The following BLACAT1 variants were observed in gnomAD, a reference collection of about 807,000 sequenced individuals.
BLACAT1 encodes bladder cancer associated transcript 1.
chr1:205,455,773 C>A (rs1666555676), intron 1 of BLACAT1, 144 bp downstream of exon 1: 2 of 152,228 alleles, frequency 1.3e-5, no homozygotes, highest in South Asian at 4.1e-4. Context: ...CCGCATCCCG[C>A]CCATGCCTTA....
At chr1:205,440,550 C>G (rs184471923) in exon 2 of BLACAT1, 3 of 152,282 alleles carry the variant, frequency 2.0e-5, no homozygotes, top group Non-Finnish European at 4.4e-5. Flanking sequence ...TAGCCCAAGG[C>G]GGCACATGCC....
intron 1 of BLACAT1, among the ~76,000 whole-genome samples, chr1:205,443,917 T>G (rs1666339272): frequency 6.6e-6 from 1 of 152,116 alleles, no homozygotes; most frequent in Non-Finnish European, 1.5e-5. Context: ...CAGGCTGTGG[T>G]CTCTGCTCCT....
intron 1 of BLACAT1, among the ~76,000 whole-genome samples, chr1:205,451,563 C>T (rs534251807): frequency 8.0e-5 from 12 of 149,858 alleles, no homozygotes; most frequent in African/African-American, 1.7e-4. Flanking sequence ...GGGGAGTGGT[C>T]GGGGGGGTAA....
intron 1 of BLACAT1, among the ~76,000 whole-genome samples, chr1:205,446,901 C>T (rs1453976915): frequency 6.6e-6 from 1 of 152,230 alleles, no homozygotes; most frequent in Non-Finnish European, 1.5e-5. Flanking sequence ...CTTGGGATTT[C>T]TCTTTGCTTC....
intron 1 of BLACAT1, among the ~76,000 whole-genome samples, chr1:205,447,256 T>C (rs1295584572): frequency 6.6e-6 from 1 of 152,188 alleles, no homozygotes; most frequent in Non-Finnish European, 1.5e-5. Context: ...ATAAGTTAAA[T>C]AGGCTAACAG....
rs1666411424 is a variant in BLACAT1, at chr1:205,447,423, G to C, written c.-36-6361C>G. 2.0e-5 allele frequency among the ~76,000 whole-genome samples: 3 copies of C among 152,290 alleles called. No individual in the cohort carries two copies. In the South Asian group the frequency reaches 6.2e-4, roughly 32 times the overall value. ...CTTCTGATTGTCAATACCAAATCTA[G>C]TGCTTTCTGTGATTCTTCAGTGGTC... is the stretch of plus-strand genomic sequence containing the variant. On this transcript the variant is annotated intron_variant, in intron 1 of 1. Coordinates refer to ENST00000629624, the Ensembl canonical transcript of BLACAT1.
At chr1:205,435,099 C>T (rs1666183406), downstream of BLACAT1, 1 of 152,198 alleles carries the variant, frequency 6.6e-6, no homozygotes, top group Non-Finnish European at 1.5e-5. Context: ...GGAAGAACCT[C>T]AGTGCAGGAG....
intron 1 of BLACAT1, among the ~76,000 whole-genome samples, chr1:205,451,512 G>A (rs551399678): frequency 2.0e-5 from 3 of 152,286 alleles, no homozygotes; most frequent in Admixed American, 2.0e-4. Flanking sequence ...TGCCCTTGCT[G>A]TCAGCACAGC....
chr1:205,442,236 C>T (rs564368134), intron 1 of BLACAT1, among the ~76,000 whole-genome samples: 16 of 152,162 alleles, frequency 1.1e-4, no homozygotes, highest in Non-Finnish European at 2.2e-4. Flanking sequence ...CCAAGTGCTG[C>T]GGGGAAGGAG....
intron 1 of BLACAT1, among the ~76,000 whole-genome samples, chr1:205,447,760 C>CA (rs1666425794): frequency 7.3e-5 from 6 of 82,018 alleles, no homozygotes; most frequent in Admixed American, 2.6e-4. Flanking sequence ...CCCGGGGGAG[C>CA]GCCTGCCTTC....
chr1:205,448,316 A>G lies in BLACAT1; in HGVS notation c.-36-7254T>C, dbSNP rs763951501. 1 of 531,538 alleles carries G rather than the reference A, an allele frequency of 1.9e-6. No individual in the cohort carries two copies. Among genetic ancestry groups the G allele is most frequent in the Admixed American group, 1.9e-5 (1 of 51,518 alleles). 32.9% of individuals were successfully genotyped at this position (531,538 alleles called of 1,614,324 possible). A position where few individuals can be genotyped will look rare whatever the true frequency, so the allele number is the denominator to read the frequency against. ...GCGCAGGAGAAGGAGCTCGCCCCTC[A>G]CTGTAGCCCATGGCTTTTAGCCCTA... On this transcript the variant is annotated intron_variant, in intron 1 of 1. Coordinates refer to ENST00000629624, the Ensembl canonical transcript of BLACAT1. This position sits in a 1 kb window ranked among gnomAD's most constrained non-coding sequence, Gnocchi z 4.7.
At chr1:205,436,910 T>C (rs529432226), downstream of BLACAT1, 2 of 152,294 alleles carry the variant, frequency 1.3e-5, no homozygotes, top group Non-Finnish European at 2.9e-5. Flanking sequence ...CCCTTTATAA[T>C]GCGTGCCTTC....
At chr1:205,454,584 C>G (rs1299571198) in intron 1 of BLACAT1, among the ~76,000 whole-genome samples, 3 of 151,908 alleles carry the variant, frequency 2.0e-5, no homozygotes, top group African/African-American at 7.3e-5. Flanking sequence ...TTTCCTGCCT[C>G]TGTGGCAGCC....
In BLACAT1 at chr1:205,442,113, G is replaced by A. The variant is rs149843208; in HGVS notation, c.-36-1051C>T. The stretch of plus-strand genomic sequence containing the variant: ...AGAAGTGCACTCAAGCCACTCAAGC[G>A]GAGAAGCTGAGAACAAAGGAAGGAA... On this transcript the variant is annotated intron_variant, in intron 1 of 1. Transcript: ENST00000629624. 4.5e-3 allele frequency among the ~76,000 whole-genome samples: 680 copies of A among 152,294 alleles called. 5 individuals are homozygous for A. Among genetic ancestry groups the A allele is most frequent in the Middle Eastern group, 0.017 (5 of 294 alleles).
At chr1:205,439,019 G>A (rs1259432248), downstream of BLACAT1, among the ~76,000 whole-genome samples, 33 of 152,184 alleles carry the variant, frequency 2.2e-4, no homozygotes, top group Admixed American at 2.2e-3. Flanking sequence ...CTGAGTCTCC[G>A]GGGATACAAT....
In BLACAT1 at chr1:205,446,312, G is replaced by A. The variant is rs568027454; in HGVS notation, c.-36-5250C>T. The stretch of plus-strand genomic sequence containing the variant: ...GCCCAGCCCCAGCAAAGCGAGGACT[G>A]TCTCGGGTGAGTTGCTGAGCTGTGG... On this transcript the variant is annotated intron_variant, in intron 1 of 1. Transcript: ENST00000629624. 1.8e-4 allele frequency among the ~76,000 whole-genome samples: 28 copies of A among 152,388 alleles called. No individual in the cohort carries two copies. In the South Asian group the frequency reaches 5.6e-3, roughly 30 times the overall value.
chr1:205,449,977 G>A (rs1429724282), intron 1 of BLACAT1: 1 of 152,510 alleles, frequency 6.6e-6, no homozygotes, highest in African/African-American at 2.4e-5. Flanking sequence ...ACCCCGAGAA[G>A]CTCCACGCCC....
intron 1 of BLACAT1, among the ~76,000 whole-genome samples, chr1:205,446,324 T>C (rs539209012): frequency 6.6e-6 from 1 of 152,270 alleles, no homozygotes; most frequent in African/African-American, 2.4e-5. Flanking sequence ...CTCGGGTGAG[T>C]TGCTGAGCTG....
chr1:205,439,265 G>A (rs1666255534), downstream of BLACAT1, among the ~76,000 whole-genome samples: 1 of 152,204 alleles, frequency 6.6e-6, no homozygotes, highest in Non-Finnish European at 1.5e-5. Flanking sequence ...GTTCCCTTGA[G>A]GGAAGGACTT....
Sources: gnomAD v4.1 joint callset for allele counts (sites outside exome capture counted in the v4.1 genomes callset) on GRCh38, gnomAD v4.1.1 for gene constraint, Gnocchi (gnomAD v3.1) non-coding constraint, MANE v1.5 for transcripts, NCBI Gene and HGNC (gene_info 2026-07-23, HGNC 2026-07-21) for gene names.